Variants in INPP1 observed in about 807,000 individuals in gnomAD.
INPP1 encodes the protein inositol polyphosphate 1-phosphatase.
In INPP1, 18 loss-of-function variants were observed where a neutral mutation model predicts 23.0. The ratio of observed to expected loss-of-function variants is 0.78; its 90% CI spans 0.54 to 1.16. The LOEUF (loss-of-function observed/expected upper bound fraction) is 1.16. Ranked by LOEUF, INPP1 falls within the 50% of genes most tolerant of loss-of-function variation. The pLI is 0.00. For missense variants in INPP1, 448 were observed against 482.1 expected, an observed-to-expected ratio of 0.93 and a Z score of 0.66; for synonymous variants, 164 against 176.3, an observed-to-expected ratio of 0.93 and a Z score of 0.55.
rs1438228772 is a variant in INPP1 at position 190,343,594 on chromosome 2, T to A, written c.-576T>A. The A allele has an allele frequency of 6.6e-6, 1 of 152,192 alleles. No homozygotes were observed. The allele number at this position is 152,192 out of a possible 1,614,324, so 9.4% of individuals were successfully genotyped here. Reference sequence around the variant, plus strand: ...CCTCTGAATCATCGCGCTCCACTTGTGACGTCGCGGACGCCCGGCTCGGGC... The same window carrying A: ...CCTCTGAATCATCGCGCTCCACTTGAGACGTCGCGGACGCCCGGCTCGGGC... On this transcript the variant is annotated 5_prime_UTR_variant, in exon 1 of 7. Coordinates refer to ENST00000392329, the MANE Select transcript of INPP1 (RefSeq NM_001128928.2).
chr2:190,359,268 C>T (rs2124929103), intron 2 of INPP1, among the ~76,000 whole-genome samples: 1 of 152,250 alleles, frequency 6.6e-6, no homozygotes, highest in African/African-American at 2.4e-5. Flanking sequence ...CCACTGCACT[C>T]CAGCCTGGGT....
intron 2 of INPP1, among the ~76,000 whole-genome samples, chr2:190,357,169 T>A (rs1689434724): frequency 6.6e-6 from 1 of 152,188 alleles, no homozygotes; most frequent in African/African-American, 2.4e-5. Context: ...CACTAGATCT[T>A]TTCTATCACC....
chr2:190,357,827 G>A (rs1214733646), intron 2 of INPP1, among the ~76,000 whole-genome samples: 1 of 152,158 alleles, frequency 6.6e-6, no homozygotes, highest in Non-Finnish European at 1.5e-5. Context: ...CTCCAAGAGG[G>A]AATGTAAACT....
chr2:190,344,094 C>G (rs1689169764), intron 1 of INPP1, 133 bp downstream of exon 1: 1 of 262,432 alleles, frequency 3.8e-6, no homozygotes, highest in Non-Finnish European at 8.0e-6. Context: ...TCGATGGCGC[C>G]GGGAGGGTTC....
chr2:190,347,006 G>GC (rs1469296649), intron 1 of INPP1, among the ~76,000 whole-genome samples: 3 of 138,494 alleles, frequency 2.2e-5, no homozygotes, highest in Non-Finnish European at 4.6e-5. Context: ...CTTATTAGTA[G>GC]CTTTTTTTTT....
At position 190,343,895 on chromosome 2, in the gene INPP1, TC is replaced by T; in HGVS notation, c.-271del. Reference sequence around the variant, plus strand: ...GGGCCGCGCCTCCTCCTCCTCCTGCTCCCCGCCGCTTCCGTTTCTCGAGGGA... The same window carrying T: ...GGGCCGCGCCTCCTCCTCCTCCTGCTCCCGCCGCTTCCGTTTCTCGAGGGA... On this transcript the variant is annotated 5_prime_UTR_variant, in exon 1 of 7. Transcript: ENST00000392329. The T allele has an allele frequency of 5.7e-6, 1 of 174,120 alleles. No homozygotes were observed. The allele number at this position is 174,120 out of a possible 1,614,324, so 10.8% of individuals were successfully genotyped here. A position where few individuals can be genotyped will look rare whatever the true frequency, so the allele number is the denominator to read the frequency against.
chr2:190,368,968 A>G lies in INPP1; in HGVS notation c.467-135A>G, dbSNP rs1213089536. ...TTAAAAGTAAAGTACAAGAGGCCAA[A>G]TAACAATTCAATACAGTGACATCCA... On this transcript the variant is annotated intron_variant, in intron 5 of 6. Transcript: ENST00000392329. The surrounding 1 kb of genome is among the most constrained non-coding windows in gnomAD (Gnocchi z 4.3). 6.3e-6 allele frequency: 3 copies of G among 479,340 alleles called. No homozygotes were observed. Among genetic ancestry groups the G allele is most frequent in the East Asian group, 3.2e-5 (1 of 31,246 alleles). 29.7% of individuals were successfully genotyped at this position (479,340 alleles called of 1,614,324 possible).
At chr2:190,349,899 C>T (rs1279830253) in intron 2 of INPP1, among the ~76,000 whole-genome samples, 3 of 152,216 alleles carry the variant, frequency 2.0e-5, no homozygotes, top group Non-Finnish European at 4.4e-5. Context: ...GGCTGGAGTG[C>T]AGTGGTGTGA....
rs1196575021 is a variant in INPP1, at chr2:190,356,887, T to C, written c.-64-3152T>C. ...CAGAACATTTACTAAGAAATAAAAA[T>C]TAAGGTTACTGAATGTATACTTTTG... On this transcript the variant is annotated intron_variant, in intron 2 of 6. Coordinates refer to ENST00000392329, the MANE Select transcript of INPP1 (RefSeq NM_001128928.2). The surrounding 1 kb of genome is among the most constrained non-coding windows in gnomAD (Gnocchi z 6.4). The C allele has an allele frequency of 2.6e-5, 4 of 152,226 alleles. No individual in the cohort carries two copies. In the East Asian group the frequency reaches 5.8e-4, roughly 22 times the overall value. The allele number at this position is 152,226 out of a possible 1,614,324, so 9.4% of individuals were successfully genotyped here.
At chr2:190,366,611 C>G in intron 4 of INPP1, 84 bp from the exon 5 acceptor site, 2 of 970,230 alleles carry the variant, frequency 2.1e-6, no homozygotes, top group South Asian at 1.4e-5. Context: ...CTCTCTGTCT[C>G]TCTCACTCTT....
intron 1 of INPP1, among the ~76,000 whole-genome samples, chr2:190,347,261 T>C (rs1394444995): frequency 1.3e-5 from 2 of 152,084 alleles, no homozygotes; most frequent in African/African-American, 4.8e-5. Context: ...TCCACCCGCC[T>C]TGGCCTCCCA....
At chr2:190,347,007 CTTTTTTTTT>C (rs1214998960) in intron 1 of INPP1, among the ~76,000 whole-genome samples, 2 of 116,042 alleles carry the variant, frequency 1.7e-5, no homozygotes, top group Non-Finnish European at 3.5e-5. Context: ...TTATTAGTAG[CTTTTTTTTT>C]TTTTTTTTTT....
intron 2 of INPP1, among the ~76,000 whole-genome samples, chr2:190,351,056 T>C (rs562584156): frequency 6.6e-6 from 1 of 152,384 alleles, no homozygotes; most frequent in East Asian, 1.9e-4. Flanking sequence ...AATTCTGTAT[T>C]CACAAAGCTA....
intron 4 of INPP1, among the ~76,000 whole-genome samples, chr2:190,364,757 C>G (rs1282527584): frequency 1.3e-5 from 2 of 151,664 alleles, no homozygotes; most frequent in Non-Finnish European, 2.9e-5. Flanking sequence ...CCTGCCACCA[C>G]GCCTAGCTAA....
intron 2 of INPP1, among the ~76,000 whole-genome samples, chr2:190,357,238 G>A (rs1280128804): frequency 1.3e-5 from 2 of 152,122 alleles, no homozygotes; most frequent in Non-Finnish European, 2.9e-5. Flanking sequence ...GCCTCGAGGG[G>A]CTGAGACATT....
At chr2:190,351,892 T>C (rs1300829809) in intron 2 of INPP1, among the ~76,000 whole-genome samples, 1 of 152,242 alleles carries the variant, frequency 6.6e-6, no homozygotes, top group Non-Finnish European at 1.5e-5. Context: ...TTTTCCAAAA[T>C]GATTATACCA....
At chr2:190,360,444 T>C (rs1689514176) in intron 3 of INPP1, 138 bp downstream of exon 3, 1 of 648,698 alleles carries the variant, frequency 1.5e-6, no homozygotes, top group Admixed American at 2.9e-5. Context: ...TTGGATTTTC[T>C]TCCTCCTTGT....
chr2:190,371,454 G>A lies in INPP1; in HGVS notation c.*52G>A, dbSNP rs751671281. 22 of 1,363,354 alleles carry A rather than the reference G, an allele frequency of 1.6e-5. No individual in the cohort carries two copies. Among genetic ancestry groups the A allele is most frequent in the African/African-American group, 5.8e-5 (4 of 68,592 alleles). 84.5% of individuals were successfully genotyped at this position (1,363,354 alleles called of 1,614,324 possible). ...ATAAACTGAACTGTGAAACTGTTTCGGTTATCTCTGTCTTTTGAGGATGGC... is the reference window on the plus strand; with the variant it reads ...ATAAACTGAACTGTGAAACTGTTTCAGTTATCTCTGTCTTTTGAGGATGGC... On this transcript the variant is annotated 3_prime_UTR_variant, in exon 7 of 7. Coordinates refer to ENST00000392329, the MANE Select transcript of INPP1 (RefSeq NM_001128928.2). The surrounding 1 kb of genome is among the most constrained non-coding windows in gnomAD (Gnocchi z 5.3).
At chr2:190,344,656 G>A (rs1314493051) in intron 1 of INPP1, among the ~76,000 whole-genome samples, 1 of 152,212 alleles carries the variant, frequency 6.6e-6, no homozygotes, top group Non-Finnish European at 1.5e-5. Context: ...CATGTAGACG[G>A]TTAGGCGCAA....
Sources: allele counts gnomAD v4.1 joint callset (sites outside exome capture counted in the v4.1 genomes callset), GRCh38; gene constraint gnomAD v4.1.1; non-coding constraint Gnocchi (gnomAD v3.1); transcripts MANE v1.5; gene names NCBI Gene and HGNC (gene_info 2026-07-23, HGNC 2026-07-21).